The following ITGA8 variants were observed in gnomAD, a reference collection of about 807,000 sequenced individuals.
ITGA8 encodes the protein integrin alpha-8.
Under a neutral mutation model 142.3 loss-of-function variants are expected in ITGA8, and 91 were observed. The ratio of observed to expected loss-of-function variants is 0.64; its 90% CI spans 0.54 to 0.76. The LOEUF is 0.76. Ranked by LOEUF, ITGA8 falls within the 30% of genes least tolerant of loss-of-function variation. ITGA8 has a pLI of 0.00. For missense variants in ITGA8, 1,406 were observed against 1,327.7 expected, an observed-to-expected ratio of 1.06 and a Z score of -0.92; for synonymous variants, 505 against 485.2, an observed-to-expected ratio of 1.04 and a Z score of -0.54.
At chr10:15,519,155 C>T (rs1244820065) in intron 29 of ITGA8, 135 bp downstream of exon 29, 10 of 939,784 alleles carry the variant, frequency 1.1e-5, no homozygotes, top group Non-Finnish European at 1.6e-5. Context: ...CACGATTTTC[C>T]CTTTATATCC....
rs1381764651 is a variant in ITGA8, at chr10:15,678,763, G to T, written c.589C>A (p.Gln197Lys). 1 of 1,608,964 alleles carries T rather than the reference G, an allele frequency of 6.2e-7. No individual in the cohort carries two copies. Among genetic ancestry groups the T allele is most frequent in the Non-Finnish European group, 8.5e-7 (1 of 1,175,958 alleles). ...CTAAATCCTGCTTGGCAGTAACCCT[G>T]GCCTTCCGGATCAGCATTGCCTAGA... is the stretch of plus-strand genomic sequence containing the variant. Reference protein sequence around the residue: ...CRNSNADPEGQGYCQAGFSLD... With the variant: ...CRNSNADPEGKGYCQAGFSLD... Residue 197 changes from glutamine (Q) to lysine (K), a missense_variant, in exon 5 of 30, where the codon CAG becomes AAG. Physicochemically the swap from Gln to Lys is moderately conservative, Grantham distance 53 (BLOSUM62 1). Coordinates refer to ENST00000378076, the MANE Select transcript of ITGA8 (RefSeq NM_003638.3).
intron 3 of ITGA8, among the ~76,000 whole-genome samples, chr10:15,686,435 C>T (rs1259603302): frequency 6.6e-6 from 1 of 152,228 alleles, no homozygotes; most frequent in Non-Finnish European, 1.5e-5. Context: ...CTCCAACTGG[C>T]CTCACCTTCT....
chr10:15,660,648 T>C (rs928730984), intron 9 of ITGA8, among the ~76,000 whole-genome samples: 2 of 152,202 alleles, frequency 1.3e-5, no homozygotes. Flanking sequence ...ACTTGAGATA[T>C]GAACACTTCA....
At chr10:15,709,529 C>T (rs1041542161) in intron 2 of ITGA8, among the ~76,000 whole-genome samples, 6 of 152,352 alleles carry the variant, frequency 3.9e-5, no homozygotes, top group African/African-American at 1.4e-4. Context: ...TGATGTTTGA[C>T]ACTACTTCAT....
At position 15,519,423 on chromosome 10, in the gene ITGA8, A is replaced by C. The variant is rs773242021; in HGVS notation, c.2983-11T>G. 3 of 1,613,254 alleles carry C rather than the reference A, an allele frequency of 1.9e-6. No homozygotes were observed. In the African/African-American group the frequency reaches 4.0e-5, roughly 22 times the overall value. On this transcript the variant is annotated splice_polypyrimidine_tract_variant and intron_variant, in intron 28 of 29. Coordinates refer to ENST00000378076, the MANE Select transcript of ITGA8 (RefSeq NM_003638.3). ...AACTGATGTCTTAATCTGAAATGGAAAACAAAGCAAATGAGCTCTAATGCG... is the reference window on the plus strand; with the variant it reads ...AACTGATGTCTTAATCTGAAATGGACAACAAAGCAAATGAGCTCTAATGCG...
chr10:15,657,509 C>CTTTCTTTTTTTTTTTTTTTT (rs534714654), intron 10 of ITGA8, among the ~76,000 whole-genome samples: 2 of 116,500 alleles, frequency 1.7e-5, no homozygotes, highest in African/African-American at 6.4e-5. Context: ...TCTTTTCTTT[C>CTTTCTTTTTTTTTTTTTTTT]ATTTTTTTTT....
At chr10:15,692,526 C>A (rs567177851) in intron 2 of ITGA8, among the ~76,000 whole-genome samples, 1 of 152,170 alleles carries the variant, frequency 6.6e-6, no homozygotes, top group African/African-American at 2.4e-5. Context: ...ATTTCCAAAT[C>A]TTTCCCAATA....
chr10:15,527,095 C>T (rs866622665), intron 28 of ITGA8, among the ~76,000 whole-genome samples: 4 of 152,064 alleles, frequency 2.6e-5, no homozygotes, highest in Admixed American at 6.6e-5. Flanking sequence ...TTTAAATAAA[C>T]GTACCAAGAC....
Position 15,608,269 on chromosome 10 carries a change from T to C in ITGA8, c.1575A>G (p.Ala525=). The C allele has an allele frequency of 6.3e-7, 1 of 1,595,022 alleles. No individual in the cohort carries two copies. Among genetic ancestry groups the C allele is most frequent in the Non-Finnish European group, 8.5e-7 (1 of 1,172,432 alleles). The change falls in exon 16 of 30, where the codon GCA becomes GCG. Residue 525 remains alanine (A), a synonymous_variant. Coordinates refer to ENST00000378076, the MANE Select transcript of ITGA8 (RefSeq NM_003638.3). The part of the protein sequence containing the change: ...SAACFSLRVC[A]SVTGQSIANT... ...TTGCAATGCTCTGGCCTGTGACAGATGCACATACTCTTAAAGAAAAGCTAT... is the reference window on the plus strand; with the variant it reads ...TTGCAATGCTCTGGCCTGTGACAGACGCACATACTCTTAAAGAAAAGCTAT...
intron 29 of ITGA8, among the ~76,000 whole-genome samples, chr10:15,518,595 CT>C (rs1294635746): frequency 8.5e-5 from 13 of 152,324 alleles, no homozygotes; most frequent in African/African-American, 2.9e-4. Context: ...GTTAATTACT[CT>C]TATGTAACTG....
chr10:15,597,168 T>G, intron 21 of ITGA8, 39 bp downstream of exon 21: 1 of 1,505,038 alleles, frequency 6.6e-7, no homozygotes, highest in Non-Finnish European at 9.3e-7. Context: ...TGAAGTCCAG[T>G]TAGAAGGAAA....
intron 4 of ITGA8, among the ~76,000 whole-genome samples, chr10:15,680,321 G>A (rs775040788): frequency 1.0e-4 from 15 of 148,140 alleles, no homozygotes; most frequent in East Asian, 2.0e-4. Context: ...TCCGCCTCCC[G>A]GGTTCACGCC....
At chr10:15,609,230 C>G (rs1049349213) in intron 15 of ITGA8, among the ~76,000 whole-genome samples, 1 of 152,118 alleles carries the variant, frequency 6.6e-6, no homozygotes, top group Non-Finnish European at 1.5e-5. Context: ...ATTCCAAGCC[C>G]TAACAGCTAT....
At chr10:15,708,859 C>A (rs1835310065) in intron 2 of ITGA8, among the ~76,000 whole-genome samples, 1 of 152,144 alleles carries the variant, frequency 6.6e-6, no homozygotes, top group Admixed American at 6.5e-5. Flanking sequence ...GACACCCGTG[C>A]CAATAAGGAG....
At chr10:15,606,238 A>G in intron 18 of ITGA8, 47 bp downstream of exon 18, 1 of 1,545,860 alleles carries the variant, frequency 6.5e-7, no homozygotes, top group South Asian at 1.2e-5. Context: ...ACAACACCCC[A>G]GAGAGCTTGC....
intron 11 of ITGA8, among the ~76,000 whole-genome samples, chr10:15,648,653 T>G (rs960235502): frequency 2.6e-5 from 4 of 151,994 alleles, no homozygotes; most frequent in Non-Finnish European, 5.9e-5. Context: ...AAGTCAGGGA[T>G]GAGGTGGGAA....
Position 15,576,328 on chromosome 10 carries a change from G to A in ITGA8, c.2373-734C>T, listed in dbSNP as rs9333186. 3.5e-3 allele frequency among the ~76,000 whole-genome samples: 525 copies of A among 152,114 alleles called. 4 individuals are homozygous for A. Among genetic ancestry groups the A allele is most frequent in the African/African-American group, 0.012 (488 of 41,490 alleles). On this transcript the variant is annotated intron_variant, in intron 23 of 29. Coordinates refer to ENST00000378076, the MANE Select transcript of ITGA8 (RefSeq NM_003638.3). ...ACATATGATTATTTTTTCCTGCAAC[G>A]TACACCTAGAAAATGAGCATTGGAT...
chr10:15,614,639 G>C (rs897526779), intron 14 of ITGA8, among the ~76,000 whole-genome samples: 2 of 152,168 alleles, frequency 1.3e-5, no homozygotes, highest in African/African-American at 4.8e-5. Flanking sequence ...AGATATGATC[G>C]TTGGAAGCCA....
intron 2 of ITGA8, among the ~76,000 whole-genome samples, chr10:15,716,211 C>T (rs1429520455): frequency 3.3e-5 from 5 of 152,182 alleles, no homozygotes; most frequent in Admixed American, 2.6e-4. Flanking sequence ...TTTTCTTCCC[C>T]TTTCTTTCTC....
Sources: allele counts gnomAD v4.1 joint callset (sites outside exome capture counted in the v4.1 genomes callset), GRCh38; gene constraint gnomAD v4.1.1; transcripts MANE v1.5; gene names NCBI Gene and HGNC (gene_info 2026-07-23, HGNC 2026-07-21).